The following ALS2CL variants were observed in gnomAD, a reference collection of about 807,000 sequenced individuals.
The protein encoded by ALS2CL is ALS2 C-terminal-like protein.
In ALS2CL, 112 loss-of-function variants were observed where a neutral mutation model predicts 127.9. The ratio of observed to expected loss-of-function variants is 0.88; its 90% confidence interval spans 0.75 to 1.02. The LOEUF is 1.02. Ranked by LOEUF, ALS2CL falls within the 50% of genes least tolerant of loss-of-function variation. The pLI is 0.00. For synonymous variants in ALS2CL, 519 were observed against 527.6 expected (o/e 0.98, Z 0.22); for missense variants, 1,174 against 1,236.7 (o/e 0.95, Z 0.76).
chr3:46,689,076 A>C (rs1699990920), intron 2 of ALS2CL, among the ~76,000 whole-genome samples: 3 of 152,252 alleles, frequency 2.0e-5, no homozygotes, highest in South Asian at 2.1e-4. Context: ...TAAAAATATG[A>C]AAATTAGCCA....
chr3:46,687,673 G>T lies in ALS2CL; in HGVS notation c.314C>A (p.Ser105Tyr). The T allele has an allele frequency of 6.2e-7, 1 of 1,612,728 alleles. No individual in the cohort carries two copies. The highest frequency in any genetic ancestry group is 2.2e-5 in the East Asian group (1 of 44,828). ...VLQAHIEYIE[S>Y]YTSCMVVQAF... ...CTGCACCACCATGCAGCTTGTGTAG[G>T]ACTCAATGTACCTGCAGGCAGCACA... Residue 105 changes from serine to tyrosine, a missense_variant, in exon 4 of 26, where the codon TCC becomes TAC. By Grantham distance (144) the Ser-to-Tyr change is moderately radical. Transcript: ENST00000318962.
chr3:46,681,951 G>T lies in ALS2CL; in HGVS notation c.1175+78C>A, dbSNP rs2106722708. On this transcript the variant is annotated intron_variant, in intron 11 of 25. Transcript: ENST00000318962. The surrounding 1 kb of genome is among the most constrained non-coding windows in gnomAD (Gnocchi z 4.9). The stretch of plus-strand genomic sequence containing the variant: ...GTTTGGGAATTCAGGATGGGGCCGG[G>T]CTGGTGACCACAGCAGGGGAGGAAA... 6 of 1,509,992 alleles carry T rather than the reference G, an allele frequency of 4.0e-6. No homozygotes were observed. In the East Asian group the frequency reaches 1.2e-4, roughly 29 times the overall value. The allele number at this position is 1,509,992 out of a possible 1,614,324, so 93.5% of individuals were successfully genotyped here. A position where few individuals can be genotyped will look rare whatever the true frequency, so the allele number is the denominator to read the frequency against.
chr3:46,683,106 C>T lies in ALS2CL; in HGVS notation c.1109+24G>A, dbSNP rs768009790. ...CAGACCCCCAGGGAGTCCCACCTTGCCACCCAGAGCTCCAGCCACTCACTT... is the reference window on the plus strand; with the variant it reads ...CAGACCCCCAGGGAGTCCCACCTTGTCACCCAGAGCTCCAGCCACTCACTT... On this transcript the variant is annotated intron_variant, in intron 10 of 25. Coordinates refer to ENST00000318962, the MANE Select transcript of ALS2CL (RefSeq NM_147129.5). 2.0e-6 allele frequency: 3 copies of T among 1,530,278 alleles called. No individual in the cohort carries two copies. In the East Asian group the frequency reaches 6.9e-5, roughly 35 times the overall value. The allele number at this position is 1,530,278 out of a possible 1,614,324, so 94.8% of individuals were successfully genotyped here.
chr3:46,671,183 C>A, intron 25 of ALS2CL, 119 bp from the exon 26 acceptor site: 2 of 1,130,728 alleles, frequency 1.8e-6, no homozygotes, highest in Non-Finnish European at 2.6e-6. Flanking sequence ...GGCGTGTCTC[C>A]AACTCAGCCC....
chr3:46,689,383 G>A lies in ALS2CL; in HGVS notation c.58C>T (p.Leu20Phe). 6.2e-7 allele frequency: 1 copy of A among 1,612,440 alleles called. No individual in the cohort carries two copies. Among genetic ancestry groups the A allele is most frequent in the Non-Finnish European group, 8.5e-7 (1 of 1,179,834 alleles). ...LRLEEVFSAT[L>F]AHVNSLVLQP... ...AGGACAAGGCTGTTGACATGGGCGA[G>A]GGTGGCTGAGAAGACCTCCTCCAGC... The change falls in exon 2 of 26, where the codon CTC (leucine) becomes TTC (phenylalanine). Residue 20 changes from leucine (L) to phenylalanine (F), a missense_variant. Transcript: ENST00000318962.
At chr3:46,687,594 G>A (rs201614089) in intron 4 of ALS2CL, 25 bp downstream of exon 4, 20 of 1,610,880 alleles carry the variant, frequency 1.2e-5, no homozygotes, top group Non-Finnish European at 3.4e-6. Context: ...CCTGTCAGGG[G>A]CCAGTGCACC....
In ALS2CL at chr3:46,676,024, T is replaced by C; in HGVS notation, c.2186+221A>G. On this transcript the variant is annotated intron_variant, in intron 19 of 25. Coordinates refer to ENST00000318962, the MANE Select transcript of ALS2CL (RefSeq NM_147129.5). Reference sequence around the variant, plus strand: ...CTGCGGTCAGAGTCAGCCCAGCGCCTGGTTGGGTCTTGGACTCTAGCTGAG... The same window carrying C: ...CTGCGGTCAGAGTCAGCCCAGCGCCCGGTTGGGTCTTGGACTCTAGCTGAG... 6.4e-6 allele frequency: 9 copies of C among 1,410,774 alleles called. No individual in the cohort carries two copies. In the South Asian group the frequency reaches 1.4e-4, roughly 22 times the overall value. 87.4% of individuals were successfully genotyped at this position (1,410,774 alleles called of 1,614,324 possible). A position where few individuals can be genotyped will look rare whatever the true frequency, so the allele number is the denominator to read the frequency against.
intron 1 of ALS2CL, among the ~76,000 whole-genome samples, chr3:46,692,636 G>C (rs527368893): frequency 6.6e-6 from 1 of 152,232 alleles, no homozygotes; most frequent in African/African-American, 2.4e-5. Context: ...AGATCCTGAC[G>C]GGCCCTGCCT....
rs577289561 is a variant in ALS2CL at position 46,670,134 on chromosome 3, T to C, written c.*850A>G. 4 of 152,256 alleles carry C rather than the reference T, an allele frequency of 2.6e-5. No homozygotes were observed. The East Asian group carries it at 5.8e-4, about 22-fold the overall frequency. The allele number at this position is 152,256 out of a possible 1,614,324, so 9.4% of individuals were successfully genotyped here. A position where few individuals can be genotyped will look rare whatever the true frequency, so the allele number is the denominator to read the frequency against. The stretch of plus-strand genomic sequence containing the variant: ...ACAATGTGACGGAAGATAAACTGTG[T>C]GGGGAAGAGAAACTGAGGCCCAACA... On this transcript the variant is annotated 3_prime_UTR_variant, in exon 26 of 26. Coordinates refer to ENST00000318962, the MANE Select transcript of ALS2CL (RefSeq NM_147129.5). This position sits in a 1 kb window ranked among gnomAD's most constrained non-coding sequence, Gnocchi z 5.5.
chr3:46,686,833 G>T lies in ALS2CL; in HGVS notation c.534+150C>A, dbSNP rs1699822593. The T allele has an allele frequency of 1.0e-6, 1 of 981,896 alleles. No homozygotes were observed. Among genetic ancestry groups the T allele is most frequent in the Non-Finnish European group, 1.4e-6 (1 of 704,762 alleles). 60.8% of individuals were successfully genotyped at this position (981,896 alleles called of 1,614,324 possible). On this transcript the variant is annotated intron_variant, in intron 5 of 25. Coordinates refer to ENST00000318962, the MANE Select transcript of ALS2CL (RefSeq NM_147129.5). This position sits in a 1 kb window ranked among gnomAD's most constrained non-coding sequence, Gnocchi z 4.3. ...ATGTCCCCTGAAAACCACAGGACAG[G>T]CCTGTGACTTCCTCAACCCTCTCCC...
Position 46,676,286 on chromosome 3 carries a change from C to T in ALS2CL, c.2145G>A (p.Glu715=), listed in dbSNP as rs1465752997. The T allele has an allele frequency of 6.2e-7, 1 of 1,613,726 alleles. No homozygotes were observed. Among genetic ancestry groups the T allele is most frequent in the Admixed American group, 1.7e-5 (1 of 60,008 alleles). Residue 715 remains glutamate (E), a synonymous_variant, in exon 19 of 26, where the codon GAG becomes GAA. Transcript: ENST00000318962. ...GTTCCTGGGCATGCTGCTTCACCTC[C>T]TCCTGGGCCAGCTCCTGCAGGTGCT... The part of the protein sequence containing the change: ...ANKHLQELAQ[E]EVKQHAQELW...
chr3:46,679,114 C>T, intron 15 of ALS2CL, 96 bp downstream of exon 15: 29 of 1,307,384 alleles, frequency 2.2e-5, no homozygotes, highest in Non-Finnish European at 3.1e-5. Context: ...GACAGGCCCT[C>T]CCCTACCTGC....
intron 1 of ALS2CL, 57 bp from the exon 2 acceptor site, chr3:46,689,522 A>G (rs956001128): frequency 8.3e-7 from 1 of 1,210,352 alleles, no homozygotes; most frequent in Non-Finnish European, 1.2e-6. Flanking sequence ...GCCAGTGCCC[A>G]TCCTCTCAGG....
intron 24 of ALS2CL, 104 bp from the exon 25 acceptor site, chr3:46,671,688 T>C (rs1240785477): frequency 1.3e-6 from 2 of 1,580,146 alleles, no homozygotes; most frequent in Non-Finnish European, 1.7e-6. Context: ...GCTGGACACC[T>C]GGGGTGTGGT....
In ALS2CL at chr3:46,685,437, C is replaced by T; in HGVS notation, c.786+88G>A. On this transcript the variant is annotated intron_variant, in intron 7 of 25. Transcript: ENST00000318962. ...CCCTCCCAGCCCACTTTCTCAGTCC[C>T]AGCAGCATGCCCCTTTACTGCTCCT... The T allele has an allele frequency of 9.6e-6, 15 of 1,560,284 alleles. No homozygotes were observed. The South Asian group carries it at 1.7e-4, about 17-fold the overall frequency.
At chr3:46,684,190 C>T (rs1333198718) in intron 7 of ALS2CL, 143 bp from the exon 8 acceptor site, 14 of 957,300 alleles carry the variant, frequency 1.5e-5, no homozygotes, top group Non-Finnish European at 2.3e-5. Context: ...TCCCTCTCCC[C>T]TCTGGCTTGC....
At chr3:46,680,342 C>T (rs1699213841) in intron 14 of ALS2CL, 88 bp downstream of exon 14, 1 of 1,371,688 alleles carries the variant, frequency 7.3e-7, no homozygotes, top group Non-Finnish European at 1.0e-6. Context: ...CTTTCCCATC[C>T]CTCCCTGAAA....
At chr3:46,675,434 T>C (rs1175082961) in intron 20 of ALS2CL, 184 bp downstream of exon 20, 1 of 594,720 alleles carries the variant, frequency 1.7e-6, no homozygotes, top group Non-Finnish European at 3.0e-6. Flanking sequence ...CCCTCCCTGG[T>C]TCCTCACAGA....
intron 13 of ALS2CL, 193 bp from the exon 14 acceptor site, chr3:46,680,734 C>T (rs987801414): frequency 8.5e-6 from 5 of 588,306 alleles, no homozygotes; most frequent in Non-Finnish European, 1.2e-5. Context: ...AGGGAGGCAG[C>T]CTGGGAAGGG....
Sources: gnomAD v4.1 joint callset for allele counts (sites outside exome capture counted in the v4.1 genomes callset) on GRCh38, gnomAD v4.1.1 for gene constraint, Gnocchi (gnomAD v3.1) non-coding constraint, MANE v1.5 for transcripts, NCBI Gene and HGNC (gene_info 2026-07-23, HGNC 2026-07-21) for gene names.